GALNT13: variants seen among roughly 807,000 people sequenced by gnomAD.
The protein encoded by GALNT13 is UDP-GalNAc:polypeptide N-acetylgalactosaminyltransferase 13.
GALNT13 carries 28 observed loss-of-function variants against 64.2 expected under a neutral mutation model. The ratio of observed to expected loss-of-function variants is 0.44; its 90% CI spans 0.32 to 0.60. GALNT13 has a LOEUF of 0.60. Ranked by LOEUF, GALNT13 falls within the 20% of genes least tolerant of loss-of-function variation. The probability of loss-of-function intolerance (pLI) is 0.05; values close to 1 mark genes in which losing one functional copy is unlikely to be tolerated. For missense variants in GALNT13, 577 were observed against 669.8 expected (o/e 0.86, Z 1.53); for synonymous variants, 214 against 224.6 (o/e 0.95, Z 0.42).
chr2:154,380,024 A>T (rs951346440), intron 9 of GALNT13, among the ~76,000 whole-genome samples: 17 of 152,116 alleles, frequency 1.1e-4, no homozygotes, highest in Non-Finnish European at 7.4e-5. Context: ...TATGTCTAAA[A>T]ATTCAAAAAG....
At chr2:154,122,277 G>C (rs1050812450) in intron 3 of GALNT13, among the ~76,000 whole-genome samples, 4 of 151,674 alleles carry the variant, frequency 2.6e-5, no homozygotes, top group Non-Finnish European at 4.4e-5. Flanking sequence ...AAGTAATCTA[G>C]GATAAAAAAT....
At chr2:153,415,197 A>G in the GALNT13 span, among the ~76,000 whole-genome samples, 1 of 152,184 alleles carries the variant, frequency 6.6e-6, no homozygotes, top group African/African-American at 2.4e-5. Context: ...AAAGCCACAT[A>G]TAGTCTTGTA....
At chr2:153,650,182 CTCT>C in the GALNT13 span, among the ~76,000 whole-genome samples, 1 of 152,098 alleles carries the variant, frequency 6.6e-6, no homozygotes, top group Non-Finnish European at 1.5e-5. Context: ...GGATAGTTAG[CTCT>C]TCTTGTTGAA....
intron 2 of GALNT13, among the ~76,000 whole-genome samples, chr2:153,920,624 T>A (rs1189202381): frequency 6.6e-6 from 1 of 151,958 alleles, no homozygotes; most frequent in Non-Finnish European, 1.5e-5. Context: ...AAATAAAAAT[T>A]GACAAATGGG....
At chr2:153,246,125 G>A in the GALNT13 span, among the ~76,000 whole-genome samples, 1 of 151,940 alleles carries the variant, frequency 6.6e-6, no homozygotes, top group Non-Finnish European at 1.5e-5. Context: ...AATGAACAAA[G>A]CCTCCAAGAA....
the GALNT13 span, among the ~76,000 whole-genome samples, chr2:153,603,423 G>GGAA: frequency 1.3e-5 from 2 of 151,818 alleles, no homozygotes; most frequent in African/African-American, 4.8e-5. Flanking sequence ...GATTCATTCT[G>GGAA]GAACAGATAC....
chr2:153,549,067 T>C, the GALNT13 span, among the ~76,000 whole-genome samples: 7 of 152,224 alleles, frequency 4.6e-5, no homozygotes, highest in East Asian at 3.9e-4. Context: ...GGGAAATCCA[T>C]AGAGACACAA....
chr2:153,450,151 A>C, the GALNT13 span, among the ~76,000 whole-genome samples: 1 of 152,080 alleles, frequency 6.6e-6, no homozygotes, highest in Admixed American at 6.6e-5. Context: ...TCATGTAACC[A>C]CTCTGACTTG....
intron 3 of GALNT13, among the ~76,000 whole-genome samples, chr2:154,090,737 T>C (rs192458299): frequency 1.4e-3 from 213 of 152,176 alleles, no homozygotes; most frequent in African/African-American, 5.0e-3. Flanking sequence ...ATTTATCCTA[T>C]TCACTGCCTC....
the GALNT13 span, among the ~76,000 whole-genome samples, chr2:153,517,385 G>C: frequency 6.6e-6 from 1 of 152,276 alleles, no homozygotes; most frequent in African/African-American, 2.4e-5. Context: ...AAAGGAACCA[G>C]AGCTTCTAGG....
chr2:153,759,201 G>A, the GALNT13 span, among the ~76,000 whole-genome samples: 2 of 151,420 alleles, frequency 1.3e-5, no homozygotes, highest in South Asian at 2.1e-4. Flanking sequence ...AGTTTTTTTT[G>A]GAGTCTTTAG....
chr2:153,999,828 G>C lies in GALNT13; in HGVS notation c.142+55189G>C, dbSNP rs145613537. On this transcript the variant is annotated intron_variant, in intron 3 of 12. Coordinates refer to ENST00000392825, the MANE Select transcript of GALNT13 (RefSeq NM_052917.4). The stretch of plus-strand genomic sequence containing the variant: ...TTGGTATCAGGGTAGTGATGACCTT[G>C]TAGAATGAGTTTGAAAATATTCCCT... Among the ~76,000 whole-genome samples, 620 of 152,026 alleles carry C rather than the reference G, an allele frequency of 4.1e-3. 3 individuals are homozygous for C. Among genetic ancestry groups the C allele is most frequent in the African/African-American group, 0.015 (604 of 41,534 alleles).
At chr2:153,642,511 AT>A in the GALNT13 span, among the ~76,000 whole-genome samples, 4 of 151,906 alleles carry the variant, frequency 2.6e-5, no homozygotes, top group Non-Finnish European at 4.4e-5. Flanking sequence ...GAAAGGTATA[AT>A]TATCCAAAAA....
At chr2:153,107,303 G>T in the GALNT13 span, among the ~76,000 whole-genome samples, 1 of 152,156 alleles carries the variant, frequency 6.6e-6, no homozygotes. Flanking sequence ...GTCCCATCCA[G>T]ATCTGCATGA....
At chr2:153,713,367 C>A in the GALNT13 span, among the ~76,000 whole-genome samples, 2 of 152,220 alleles carry the variant, frequency 1.3e-5, no homozygotes, top group Non-Finnish European at 1.5e-5. Flanking sequence ...ACTGAAGCTA[C>A]AAACATCCTG....
intron 4 of GALNT13, among the ~76,000 whole-genome samples, chr2:154,152,499 T>A (rs1267265954): frequency 3.3e-5 from 5 of 152,136 alleles, no homozygotes; most frequent in Admixed American, 3.3e-4. Context: ...TTGGGGAAGT[T>A]CTCCTGGATA....
At chr2:154,229,315 G>A (rs1688793748) in intron 4 of GALNT13, among the ~76,000 whole-genome samples, 2 of 151,772 alleles carry the variant, frequency 1.3e-5, no homozygotes, top group African/African-American at 4.8e-5. Context: ...CGTATGTTTA[G>A]TATATACTAA....
At chr2:153,868,229 C>T (rs1685797587), upstream of GALNT13, among the ~76,000 whole-genome samples, 1 of 152,114 alleles carries the variant, frequency 6.6e-6, no homozygotes, top group South Asian at 2.1e-4. Flanking sequence ...GGATGTATGA[C>T]TGAACCCTAA....
chr2:153,305,788 C>G, the GALNT13 span, among the ~76,000 whole-genome samples: 5 of 152,146 alleles, frequency 3.3e-5, no homozygotes, highest in Non-Finnish European at 7.3e-5. Context: ...TCATTACTTC[C>G]CCCATGACAG....
Sources: allele counts gnomAD v4.1 joint callset (sites outside exome capture counted in the v4.1 genomes callset), GRCh38; gene constraint gnomAD v4.1.1; transcripts MANE v1.5; gene names NCBI Gene and HGNC (gene_info 2026-07-23, HGNC 2026-07-21).